The following MAST4 variants were observed in gnomAD, a reference collection of about 807,000 sequenced individuals.
MAST4 encodes the protein microtubule associated serine/threonine kinase family member 4, also known as microtubule-associated serine/threonine-protein kinase 4.
In MAST4, 89 loss-of-function variants were observed where a neutral mutation model predicts 162.7. That is an observed-to-expected ratio of 0.55 (90% CI 0.46 to 0.65). The LOEUF is 0.65. Ranked by LOEUF, MAST4 falls within the 30% of genes least tolerant of loss-of-function variation. MAST4 has a pLI of 0.00. For missense variants in MAST4, 3,153 were observed against 3,374.0 expected (o/e 0.93, Z 1.62); for synonymous variants, 1,479 against 1,361.1 (o/e 1.09, Z -1.91).
In MAST4 at chr5:67,166,214, G is replaced by C; in HGVS notation, c.7035G>C (p.Leu2345=). The change falls in exon 29 of 29, where the codon CTG becomes CTC. Residue 2345 remains leucine (L), a synonymous_variant. Transcript: ENST00000403625. Reference sequence around the variant, plus strand: ...CCACTGTGAAAGATTGCCCCACCCTGTGCAAACAGACAGACAACAGACAGA... The same window carrying C: ...CCACTGTGAAAGATTGCCCCACCCTCTGCAAACAGACAGACAACAGACAGA... The part of the protein sequence containing the change: ...KPSTVKDCPT[L]CKQTDNRQTD... 2 of 1,552,786 alleles carry C rather than the reference G, an allele frequency of 1.3e-6. No homozygotes were observed. Among genetic ancestry groups the C allele is most frequent in the Non-Finnish European group, 1.7e-6 (2 of 1,147,466 alleles).
chr5:66,819,748 T>C (rs982629130), intron 3 of MAST4, among the ~76,000 whole-genome samples: 1 of 150,968 alleles, frequency 6.6e-6, no homozygotes, highest in Non-Finnish European at 1.5e-5. Flanking sequence ...GCATTTAACC[T>C]AGAACTTAGC....
chr5:67,078,707 A>AT (rs1561620367), intron 5 of MAST4, among the ~76,000 whole-genome samples: 55 of 121,246 alleles, frequency 4.5e-4, no homozygotes, highest in Middle Eastern at 4.4e-3. Context: ...TTTATATATA[A>AT]TATTTATTTA....
intron 1 of MAST4, among the ~76,000 whole-genome samples, chr5:66,642,544 G>T (rs751048102): frequency 2.6e-5 from 4 of 152,118 alleles, no homozygotes; most frequent in Non-Finnish European, 4.4e-5. Context: ...TTAGAGAGAC[G>T]TACAGAAACT....
intron 1 of MAST4, among the ~76,000 whole-genome samples, chr5:66,680,927 G>A (rs1356988141): frequency 1.3e-5 from 2 of 152,182 alleles, no homozygotes; most frequent in Admixed American, 6.5e-5. Flanking sequence ...ACCTGGGCTG[G>A]TCATTGACAC....
intron 4 of MAST4, among the ~76,000 whole-genome samples, chr5:66,905,676 G>T (rs1763312119): frequency 6.6e-6 from 1 of 152,122 alleles, no homozygotes; most frequent in Non-Finnish European, 1.5e-5. Flanking sequence ...TGCATTTTCA[G>T]GAAATATAAG....
intron 5 of MAST4, among the ~76,000 whole-genome samples, chr5:67,068,916 C>T: frequency 6.6e-6 from 1 of 152,014 alleles, no homozygotes; most frequent in East Asian, 1.9e-4. Flanking sequence ...ACCTGAGAAA[C>T]ACGTGGGCTG....
intron 1 of MAST4, among the ~76,000 whole-genome samples, chr5:66,723,480 G>C (rs1751340964): frequency 6.6e-6 from 1 of 152,156 alleles, no homozygotes. Flanking sequence ...TGCTGACTTT[G>C]CCCTTTCAGA....
At chr5:66,728,875 A>C (rs1751676393) in intron 1 of MAST4, among the ~76,000 whole-genome samples, 1 of 152,158 alleles carries the variant, frequency 6.6e-6, no homozygotes, top group African/African-American at 2.4e-5. Flanking sequence ...ATAACACCAA[A>C]AGTCTGTCCC....
chr5:67,149,575 T>C lies in MAST4; in HGVS notation c.3281T>C (p.Leu1094Pro). 6.2e-7 allele frequency: 1 copy of C among 1,613,638 alleles called. No individual in the cohort carries two copies. Among genetic ancestry groups the C allele is most frequent in the Non-Finnish European group, 8.5e-7 (1 of 1,179,702 alleles). ...TKSLSASALSLMIPGDMFAVS... is the reference protein window; with the variant it reads ...TKSLSASALSPMIPGDMFAVS... Reference sequence around the variant, plus strand: ...TCCCTCTCTGCCAGTGCTCTTTCCCTCATGATCCCAGGAGGTAGAGAGATA... The same window carrying C: ...TCCCTCTCTGCCAGTGCTCTTTCCCCCATGATCCCAGGAGGTAGAGAGATA... Residue 1094 changes from leucine to proline, a missense_variant, in exon 24 of 29, where the codon CTC becomes CCC. Around this residue, in one of 7 missense-constraint regions of MAST4, gnomAD observed 619 missense variants for 744.2 expected, o/e 0.83. Transcript: ENST00000403625.
chr5:66,885,551 G>T lies in MAST4; in HGVS notation c.643-14400G>T, dbSNP rs1266771832. The stretch of plus-strand genomic sequence containing the variant: ...TTTAGCATGTGGGTGGATAAAAATG[G>T]AACCCAGCTTTGTAAGAAGTTTGTT... On this transcript the variant is annotated intron_variant, in intron 3 of 28. Coordinates refer to ENST00000403625, the MANE Select transcript of MAST4 (RefSeq NM_001164664.2). Among the ~76,000 whole-genome samples the T allele has an allele frequency of 3.3e-5, 5 of 152,272 alleles. No homozygotes were observed. In the East Asian group the frequency reaches 9.6e-4, roughly 29 times the overall value.
chr5:67,101,711 CA>C (rs1331990777), intron 8 of MAST4, among the ~76,000 whole-genome samples: 1 of 151,890 alleles, frequency 6.6e-6, no homozygotes, highest in African/African-American at 2.4e-5. Context: ...TAAATATAGC[CA>C]CACTGGATAA....
intron 3 of MAST4, among the ~76,000 whole-genome samples, chr5:66,796,582 G>C (rs900570608): frequency 6.6e-5 from 10 of 152,122 alleles, no homozygotes; most frequent in African/African-American, 2.2e-4. Flanking sequence ...GAGGCGAATG[G>C]TGTCCATATA....
rs148320485 is a variant in MAST4 at position 67,058,904 on chromosome 5, G to A, written c.763+4412G>A. Among the ~76,000 whole-genome samples the A allele has an allele frequency of 1.2e-3, 180 of 152,322 alleles. 1 individual carries two copies. The highest frequency in any genetic ancestry group is 4.2e-3 in the African/African-American group (174 of 41,570). ...TCTGCAGTAGTTTTCTATTGCTGTA[G>A]TAACAAATTACTCATAATTTACTGG... On this transcript the variant is annotated intron_variant, in intron 5 of 28. Coordinates refer to ENST00000403625, the MANE Select transcript of MAST4 (RefSeq NM_001164664.2).
intron 1 of MAST4, among the ~76,000 whole-genome samples, chr5:66,758,231 G>A (rs1175591470): frequency 6.6e-6 from 1 of 151,852 alleles, no homozygotes; most frequent in East Asian, 1.9e-4. Flanking sequence ...CCAGGTGTTA[G>A]GTCTTACTAA....
chr5:67,040,065 C>T (rs1455121378), intron 4 of MAST4, among the ~76,000 whole-genome samples: 1 of 151,862 alleles, frequency 6.6e-6, no homozygotes, highest in Non-Finnish European at 1.5e-5. Context: ...AATTTGCTTT[C>T]TGACGCATGT....
intron 4 of MAST4, among the ~76,000 whole-genome samples, chr5:67,041,391 A>G (rs1189611085): frequency 2.6e-5 from 4 of 152,232 alleles, no homozygotes; most frequent in African/African-American, 9.6e-5. Context: ...TACATTTACC[A>G]TCAAGCCTTG....
chr5:66,766,199 C>T (rs1284923031), intron 2 of MAST4, among the ~76,000 whole-genome samples: 1 of 152,168 alleles, frequency 6.6e-6, no homozygotes, highest in Non-Finnish European at 1.5e-5. Context: ...GTCCTGCATT[C>T]TACAGCTGTG....
intron 4 of MAST4, among the ~76,000 whole-genome samples, chr5:66,962,495 C>A (rs1332082528): frequency 6.6e-6 from 1 of 152,166 alleles, no homozygotes; most frequent in Non-Finnish European, 1.5e-5. Flanking sequence ...ATCACTTGAG[C>A]CCAGGAGTTT....
At chr5:66,958,090 C>T (rs1581012339) in intron 4 of MAST4, among the ~76,000 whole-genome samples, 2 of 152,140 alleles carry the variant, frequency 1.3e-5, no homozygotes, top group East Asian at 1.9e-4. Flanking sequence ...TGCTATTTTA[C>T]CGCAGTTTGG....
Sources: allele counts gnomAD v4.1 joint callset (sites outside exome capture counted in the v4.1 genomes callset), GRCh38; gene constraint gnomAD v4.1.1; regional missense constraint gnomAD v4.1.1; transcripts MANE v1.5; gene names NCBI Gene and HGNC (gene_info 2026-07-23, HGNC 2026-07-21).